Variants in TRIM33 observed in about 807,000 individuals in gnomAD.
The protein encoded by TRIM33 is E3 ubiquitin-protein ligase TRIM33.
TRIM33 carries 20 observed loss-of-function variants against 125.4 expected under a neutral mutation model. The observed-to-expected ratio is 0.16, with a 90% CI of 0.11 to 0.23. The LOEUF is 0.23. TRIM33 is among the 10% of genes least tolerant of loss of function. TRIM33 has a pLI of 1.00. For missense variants in TRIM33, 920 were observed against 1,411.4 expected (o/e 0.65, Z 5.58); for synonymous variants, 564 against 513.9 (o/e 1.10, Z -1.32).
Position 114,405,405 on chromosome 1 carries a change from G to A in TRIM33, c.2768+5C>T, listed in dbSNP as rs1652172926. On this transcript the variant is annotated splice_donor_5th_base_variant and intron_variant, in intron 15 of 19. Transcript: ENST00000358465. ...AACACCAAAAATCAATTATTTCACTGGTACCTTGGAAAGCTAAGTAGTGTT... is the reference window on the plus strand; with the variant it reads ...AACACCAAAAATCAATTATTTCACTAGTACCTTGGAAAGCTAAGTAGTGTT... The A allele has an allele frequency of 2.5e-6, 4 of 1,585,558 alleles. No homozygotes were observed. The highest frequency in any genetic ancestry group is 1.4e-5 in the African/African-American group (1 of 73,528).
intron 16 of TRIM33, 52 bp downstream of exon 16, chr1:114,402,708 T>TA: frequency 6.3e-7 from 1 of 1,584,978 alleles, no homozygotes; most frequent in Non-Finnish European, 8.6e-7. Flanking sequence ...GGTGTATATA[T>TA]AGGCAGACAA....
intron 4 of TRIM33, 57 bp downstream of exon 4, chr1:114,463,047 A>AT: frequency 7.2e-7 from 1 of 1,380,022 alleles, no homozygotes. Context: ...AAGAAGAAGA[A>AT]TGACTTTACA....
intron 10 of TRIM33, among the ~76,000 whole-genome samples, chr1:114,422,014 A>G (rs1224792680): frequency 2.0e-5 from 3 of 152,224 alleles, no homozygotes; most frequent in African/African-American, 4.8e-5. Flanking sequence ...AATGATATAT[A>G]ATGCAGCTTG....
intron 1 of TRIM33, among the ~76,000 whole-genome samples, chr1:114,473,273 A>T (rs566136435): frequency 4.6e-5 from 7 of 151,378 alleles, no homozygotes; most frequent in Admixed American, 2.6e-4. Context: ...AAAAAAAAAA[A>T]TTCATTTTTT....
chr1:114,466,958 T>C (rs1314019678), intron 1 of TRIM33, among the ~76,000 whole-genome samples: 1 of 152,198 alleles, frequency 6.6e-6, no homozygotes, highest in Non-Finnish European at 1.5e-5. Context: ...ATAGCAGCCC[T>C]GTAAAGTAGG....
intron 1 of TRIM33, among the ~76,000 whole-genome samples, chr1:114,493,652 T>C (rs944275017): frequency 1.1e-4 from 17 of 152,102 alleles, no homozygotes; most frequent in African/African-American, 3.9e-4. Context: ...TTCCTTTGCA[T>C]GTGAAAATCC....
At chr1:114,402,957 T>TG (rs1367579711) in intron 15 of TRIM33, 74 bp from the exon 16 acceptor site, 16 of 1,374,448 alleles carry the variant, frequency 1.2e-5, no homozygotes, top group Non-Finnish European at 1.5e-5. Context: ...TTCCCTGGAC[T>TG]GGGGCCTGGT....
intron 1 of TRIM33, chr1:114,468,661 A>C (rs780898520): frequency 2.3e-6 from 1 of 440,190 alleles, no homozygotes; most frequent in Non-Finnish European, 4.6e-6. Flanking sequence ...CCAGAGTATG[A>C]CCTTAATATT....
chr1:114,402,957 T>A, intron 15 of TRIM33, 74 bp from the exon 16 acceptor site: 1 of 1,374,568 alleles, frequency 7.3e-7, no homozygotes, highest in Non-Finnish European at 9.7e-7. Flanking sequence ...TTCCCTGGAC[T>A]GGGGCCTGGT....
At chr1:114,477,211 C>A (rs1023444959) in intron 1 of TRIM33, among the ~76,000 whole-genome samples, 2 of 151,838 alleles carry the variant, frequency 1.3e-5, no homozygotes, top group Non-Finnish European at 2.9e-5. Flanking sequence ...GTTATATAAA[C>A]AGATGTTAAA....
At chr1:114,454,643 C>T (rs1402253144) in intron 4 of TRIM33, among the ~76,000 whole-genome samples, 1 of 148,738 alleles carries the variant, frequency 6.7e-6, no homozygotes, top group African/African-American at 2.5e-5. Context: ...CCACTGCACT[C>T]GAAGCCTGGG....
intron 5 of TRIM33, among the ~76,000 whole-genome samples, chr1:114,432,924 A>G (rs1157761702): frequency 2.6e-5 from 4 of 152,220 alleles, no homozygotes; most frequent in Non-Finnish European, 5.9e-5. Flanking sequence ...AAGTCCTAAT[A>G]TTTTTGAGTC....
chr1:114,434,183 A>AT (rs1424928993), intron 4 of TRIM33, among the ~76,000 whole-genome samples: 1 of 152,086 alleles, frequency 6.6e-6, no homozygotes, highest in Non-Finnish European at 1.5e-5. Flanking sequence ...TTATTTACTT[A>AT]TTTTTTAATA....
At chr1:114,462,255 G>A (rs1019945693) in intron 4 of TRIM33, among the ~76,000 whole-genome samples, 3 of 152,104 alleles carry the variant, frequency 2.0e-5, no homozygotes, top group African/African-American at 7.2e-5. Context: ...TTGGCAATTG[G>A]GATTACTGTA....
chr1:114,491,653 A>C (rs1652074534), intron 1 of TRIM33, among the ~76,000 whole-genome samples: 1 of 152,068 alleles, frequency 6.6e-6, no homozygotes, highest in Non-Finnish European at 1.5e-5. Context: ...AAATGTAAAA[A>C]ATTAGCTGGG....
At chr1:114,490,950 T>C (rs907847594) in intron 1 of TRIM33, 4 of 152,198 alleles carry the variant, frequency 2.6e-5, no homozygotes, top group South Asian at 4.1e-4. Context: ...ATGTCCAGAA[T>C]AGGCAAATCT....
chr1:114,468,527 T>C, intron 1 of TRIM33: 1 of 403,904 alleles, frequency 2.5e-6, no homozygotes. Context: ...ATGATCTAGA[T>C]GACTTGAACT....
chr1:114,481,381 A>C (rs1334950710), intron 1 of TRIM33, among the ~76,000 whole-genome samples: 2 of 152,056 alleles, frequency 1.3e-5, no homozygotes, highest in East Asian at 3.9e-4. Flanking sequence ...TCACGAGGTC[A>C]GGGGTTCAAG....
chr1:114,510,828 G>A lies in TRIM33; in HGVS notation c.249C>T (p.Ala83=). The change falls in exon 1 of 20, where the codon GCC becomes GCT. Residue 83 remains alanine, a synonymous_variant. Coordinates refer to ENST00000358465, the MANE Select transcript of TRIM33 (RefSeq NM_015906.4). ...GSAQAASSPA[A]SVGTGVAGGA... ...CCCCGGCAACTCCAGTGCCCACTGA[G>A]GCCGCAGGAGATGAAGCAGCCTGGG... The A allele has an allele frequency of 6.6e-7, 1 of 1,518,414 alleles. No individual in the cohort carries two copies. The highest frequency in any genetic ancestry group is 8.8e-7 in the Non-Finnish European group (1 of 1,140,292). 94.1% of individuals were successfully genotyped at this position (1,518,414 alleles called of 1,614,324 possible).
Sources: allele counts gnomAD v4.1 joint callset (sites outside exome capture counted in the v4.1 genomes callset), GRCh38; gene constraint gnomAD v4.1.1; transcripts MANE v1.5; gene names NCBI Gene and HGNC (gene_info 2026-07-23, HGNC 2026-07-21).